SP4: variants seen among roughly 807,000 people sequenced by gnomAD.
SP4 encodes Sp4 transcription factor.
A neutral mutation model predicts 72.8 loss-of-function variants in SP4; 19 were observed. The ratio of observed to expected loss-of-function variants is 0.26; its 90% confidence interval spans 0.18 to 0.38. The LOEUF (loss-of-function observed/expected upper bound fraction) is 0.38, where lower values mean the gene tolerates loss of function less well. Ranked by LOEUF, SP4 falls within the 10% of genes least tolerant of loss-of-function variation. The pLI is 1.00. For synonymous variants in SP4, 395 were observed against 333.1 expected (o/e 1.19, Z -2.02); for missense variants, 1,008 against 926.3 (o/e 1.09, Z -1.14).
intron 5 of SP4, among the ~76,000 whole-genome samples, chr7:21,483,304 T>A (rs1227171471): frequency 6.6e-6 from 1 of 151,986 alleles, no homozygotes; most frequent in Admixed American, 6.5e-5. Context: ...GTTATACTTT[T>A]CCCTTTCAAT....
At chr7:21,496,213 A>T (rs1483962704) in intron 5 of SP4, among the ~76,000 whole-genome samples, 3 of 152,196 alleles carry the variant, frequency 2.0e-5, no homozygotes, top group Admixed American at 6.5e-5. Context: ...GTCAAAACTC[A>T]TAGAACTCTA....
intron 3 of SP4, among the ~76,000 whole-genome samples, chr7:21,460,947 C>T (rs1371026363): frequency 6.6e-6 from 1 of 152,004 alleles, no homozygotes; most frequent in Non-Finnish European, 1.5e-5. Context: ...CTCCAAGTCC[C>T]CACCAAGATT....
In SP4 at chr7:21,511,685, A is replaced by G. The variant is rs188144611; in HGVS notation, c.*416A>G. The G allele has an allele frequency of 6.1e-6, 1 of 162,778 alleles. No individual in the cohort carries two copies. The highest frequency in any genetic ancestry group is 2.4e-5 in the African/African-American group (1 of 41,722). 10.1% of individuals were successfully genotyped at this position (162,778 alleles called of 1,614,324 possible). A position where few individuals can be genotyped will look rare whatever the true frequency, so the allele number is the denominator to read the frequency against. ...ATTTACGTGTATTCTTTTTCTCTATAGCACAGAAAACAGATAGTTAACTGA... is the reference window on the plus strand; with the variant it reads ...ATTTACGTGTATTCTTTTTCTCTATGGCACAGAAAACAGATAGTTAACTGA... On this transcript the variant is annotated 3_prime_UTR_variant, in exon 6 of 6. Coordinates refer to ENST00000222584, the MANE Select transcript of SP4 (RefSeq NM_003112.5).
At chr7:21,463,326 T>C (rs973480594) in intron 3 of SP4, among the ~76,000 whole-genome samples, 1 of 152,168 alleles carries the variant, frequency 6.6e-6, no homozygotes, top group Non-Finnish European at 1.5e-5. Context: ...TGAAGGGCTA[T>C]GTACATTGCC....
intron 5 of SP4, among the ~76,000 whole-genome samples, chr7:21,508,167 A>C (rs2128417472): frequency 6.6e-6 from 1 of 152,184 alleles, no homozygotes; most frequent in Non-Finnish European, 1.5e-5. Context: ...ATCGGGTGGG[A>C]CACCTCTGCC....
intron 3 of SP4, among the ~76,000 whole-genome samples, chr7:21,443,746 A>T (rs938078078): frequency 2.0e-5 from 3 of 152,200 alleles, no homozygotes; most frequent in Non-Finnish European, 4.4e-5. Context: ...GAAGGAGAAG[A>T]GAGAAGAGGA....
chr7:21,430,343 T>C lies in SP4; in HGVS notation c.1178T>C (p.Leu393Pro), dbSNP rs1782798766. ...AATGCACAGGATCAATCAAATTCTC[T>C]TCAGCAGGTGCAAATTGTAGGCCAA... ...MQNAQDQSNS[L>P]QQVQIVGQPI... The change falls in exon 3 of 6, where the codon CTT (leucine) becomes CCT (proline). Residue 393 changes from leucine (L) to proline (P), a missense_variant. Leu to Pro is a moderately conservative substitution (Grantham distance 98). Coordinates refer to ENST00000222584, the MANE Select transcript of SP4 (RefSeq NM_003112.5). 6 of 1,614,236 alleles carry C rather than the reference T, an allele frequency of 3.7e-6. No individual in the cohort carries two copies. The highest frequency in any genetic ancestry group is 1.1e-5 in the South Asian group (1 of 91,086).
rs1291638795 is a variant in SP4, at chr7:21,513,233, G to A, written c.*1964G>A. The A allele has an allele frequency of 2.6e-5, 4 of 152,344 alleles. No homozygotes were observed. Among genetic ancestry groups the A allele is most frequent in the Admixed American group, 1.3e-4 (2 of 15,254 alleles). 9.4% of individuals were successfully genotyped at this position (152,344 alleles called of 1,614,324 possible). A position where few individuals can be genotyped will look rare whatever the true frequency, so the allele number is the denominator to read the frequency against. ...ACACTTTAGGCCAGCCCTTTGTAGC[G>A]TTATATAAAACTGAAGGTCTTTTGT... On this transcript the variant is annotated 3_prime_UTR_variant, in exon 6 of 6. Coordinates refer to ENST00000222584, the MANE Select transcript of SP4 (RefSeq NM_003112.5).
At chr7:21,481,792 TAC>T (rs1341579648) in intron 4 of SP4, 130 bp from the exon 5 acceptor site, 4 of 667,510 alleles carry the variant, frequency 6.0e-6, no homozygotes, top group African/African-American at 1.8e-5. Context: ...TGATTTGAAC[TAC>T]AGTTATGGCA....
At position 21,433,897 on chromosome 7, in the gene SP4, C is replaced by A. The variant is rs149724463; in HGVS notation, c.1678+3054C>A. Reference sequence around the variant, plus strand: ...GGAGGTTGTTGCAGTGAGCCGAGATCGCGCCATTGCACTTCAGCCTGGGCA... The same window carrying A: ...GGAGGTTGTTGCAGTGAGCCGAGATAGCGCCATTGCACTTCAGCCTGGGCA... On this transcript the variant is annotated intron_variant, in intron 3 of 5. Transcript: ENST00000222584. Among the ~76,000 whole-genome samples the A allele has an allele frequency of 3.8e-4, 57 of 151,942 alleles. 1 individual carries two copies. In the East Asian group the frequency reaches 0.01, roughly 27 times the overall value.
chr7:21,459,213 G>A (rs377240070), intron 3 of SP4, among the ~76,000 whole-genome samples: 3 of 152,116 alleles, frequency 2.0e-5, no homozygotes, highest in Non-Finnish European at 4.4e-5. Flanking sequence ...TCCGCCTCCC[G>A]GATTCAAGCG....
chr7:21,465,535 A>T (rs1259963515), intron 3 of SP4, among the ~76,000 whole-genome samples: 1 of 152,254 alleles, frequency 6.6e-6, no homozygotes, highest in East Asian at 1.9e-4. Context: ...TAGTTCGATT[A>T]TAGCCATTTA....
At chr7:21,428,608 G>A (rs996714360) in intron 1 of SP4, 69 bp from the exon 2 acceptor site, 48 of 1,428,594 alleles carry the variant, frequency 3.4e-5, no homozygotes, top group Admixed American at 4.6e-5. Flanking sequence ...AAGAGGAGAG[G>A]AAGAAGACGA....
At chr7:21,468,584 G>A (rs1784238574) in intron 3 of SP4, among the ~76,000 whole-genome samples, 1 of 149,650 alleles carries the variant, frequency 6.7e-6, no homozygotes, top group Admixed American at 6.7e-5. Flanking sequence ...TTTTTATGTT[G>A]CTCTTGTATT....
chr7:21,457,089 A>G (rs1163452646), intron 3 of SP4, among the ~76,000 whole-genome samples: 1 of 152,224 alleles, frequency 6.6e-6, no homozygotes, highest in Non-Finnish European at 1.5e-5. Context: ...TCACCAAAGT[A>G]TGTATCTGCT....
chr7:21,446,263 A>C (rs987083148), intron 3 of SP4, among the ~76,000 whole-genome samples: 1 of 152,154 alleles, frequency 6.6e-6, no homozygotes, highest in African/African-American at 2.4e-5. Context: ...CCTTACCCTA[A>C]GCCACAAAGA....
At chr7:21,491,068 A>G (rs6980423) in intron 5 of SP4, among the ~76,000 whole-genome samples, 3 of 152,216 alleles carry the variant, frequency 2.0e-5, no homozygotes, top group African/African-American at 7.2e-5. Context: ...TTAAGAGAGA[A>G]GATAACAGAT....
chr7:21,472,844 A>G (rs78727371), intron 3 of SP4, among the ~76,000 whole-genome samples: 2,630 of 152,156 alleles, frequency 0.017, 70 homozygotes, highest in African/African-American at 0.061. Context: ...TCTGAAATGT[A>G]GGAAGTTAGC....
chr7:21,436,066 T>G (rs1162405482), intron 3 of SP4, among the ~76,000 whole-genome samples: 2 of 152,038 alleles, frequency 1.3e-5, no homozygotes, highest in Non-Finnish European at 2.9e-5. Context: ...GCCTGGCTAA[T>G]TTTTGTATTT....
Sources: allele counts gnomAD v4.1 joint callset (sites outside exome capture counted in the v4.1 genomes callset), GRCh38; gene constraint gnomAD v4.1.1; transcripts MANE v1.5; gene names NCBI Gene and HGNC (gene_info 2026-07-23, HGNC 2026-07-21).